Variants in CHD1L observed in about 807,000 individuals in gnomAD.
The protein encoded by CHD1L is ATP-dependent chromatin remodeler CHD1L.
A neutral mutation model predicts 115.9 loss-of-function variants in CHD1L; 118 were observed. The observed-to-expected ratio is 1.02, with a 90% confidence interval of 0.88 to 1.19. The LOEUF is 1.19. Among genes scored for constraint, CHD1L ranks in the 50% most tolerant of loss-of-function variants. The pLI, the probability that CHD1L is intolerant of heterozygous loss-of-function variation, is 0.00. For missense variants in CHD1L, 1,179 were observed against 1,065.3 expected (o/e 1.11, Z -1.49); for synonymous variants, 411 against 387.1 (o/e 1.06, Z -0.72).
At chr1:147,215,491 A>G in the CHD1L span, 2 of 409,644 alleles carry the variant, frequency 4.9e-6, no homozygotes, top group Admixed American at 4.2e-5. Flanking sequence ...GTTTATTGCA[A>G]TCAAATAATG....
chr1:147,263,016 A>G (rs76536568), intron 6 of CHD1L, among the ~76,000 whole-genome samples: 5,467 of 152,222 alleles, frequency 0.036, 161 homozygotes, highest in Non-Finnish European at 0.055. Flanking sequence ...ATATCAAAAT[A>G]TTGTGTATAT....
At chr1:147,205,311 A>C in the CHD1L span, among the ~76,000 whole-genome samples, 1 of 152,190 alleles carries the variant, frequency 6.6e-6, no homozygotes, top group African/African-American at 2.4e-5. Flanking sequence ...TTTATAGTGG[A>C]GAAACTTGAT....
At chr1:147,278,229 T>TG (rs1187355593) in intron 14 of CHD1L, among the ~76,000 whole-genome samples, 1 of 133,510 alleles carries the variant, frequency 7.5e-6, no homozygotes, top group Non-Finnish European at 1.6e-5. Flanking sequence ...TGGGTTTTTT[T>TG]TTTTTTTTTT....
the CHD1L span, chr1:147,213,233 C>G: frequency 1.6e-6 from 2 of 1,247,718 alleles, no homozygotes; most frequent in Admixed American, 4.9e-5. Flanking sequence ...ATTACTCAGA[C>G]CACAATCCTC....
At chr1:147,208,961 TAAGTCGAG>T in the CHD1L span, 1 of 1,613,982 alleles carries the variant, frequency 6.2e-7, no homozygotes, top group South Asian at 1.1e-5. Context: ...ATAAAATGTG[TAAGTCGAG>T]AAGAGAACAA....
rs79965246 is a variant in CHD1L at position 147,255,542 on chromosome 1, C to T, written c.348-271C>T. On this transcript the variant is annotated intron_variant, in intron 3 of 22. Transcript: ENST00000369258. The stretch of plus-strand genomic sequence containing the variant: ...GCGCCCGGCCTATTTTTCATAGTGA[C>T]GTAGGAAGTAACTCATGTGGAAGAG... Among the ~76,000 whole-genome samples the T allele has an allele frequency of 4.7e-3, 708 of 151,968 alleles. 4 individuals are homozygous for T. The highest frequency in any genetic ancestry group is 0.017 in the African/African-American group (688 of 41,402).
the CHD1L span, among the ~76,000 whole-genome samples, chr1:147,232,103 C>T: frequency 1.3e-5 from 2 of 152,172 alleles, no homozygotes; most frequent in African/African-American, 2.4e-5. Flanking sequence ...TAAATGGCAT[C>T]TTTGTAAGAT....
intron 13 of CHD1L, 125 bp downstream of exon 13, chr1:147,275,593 A>C: frequency 4.3e-6 from 3 of 696,408 alleles, no homozygotes; most frequent in Non-Finnish European, 7.5e-6. Context: ...GTTTTAGCTC[A>C]TCTGTGCTAT....
At chr1:147,279,827 T>A (rs1020746645) in intron 14 of CHD1L, among the ~76,000 whole-genome samples, 199 bp from the exon 15 acceptor site, 9 of 152,136 alleles carry the variant, frequency 5.9e-5, no homozygotes, top group African/African-American at 2.2e-4. Flanking sequence ...TGATAATCAT[T>A]TATCACCTCT....
the CHD1L span, among the ~76,000 whole-genome samples, chr1:147,191,952 C>T: frequency 1.6e-4 from 25 of 151,850 alleles, no homozygotes; most frequent in Non-Finnish European, 1.6e-4. Context: ...CGTGATGCCT[C>T]CAGCTTTGTT....
chr1:147,290,219 T>C (rs2102988545), intron 19 of CHD1L, among the ~76,000 whole-genome samples: 1 of 151,462 alleles, frequency 6.6e-6, no homozygotes, highest in Non-Finnish European at 1.5e-5. Flanking sequence ...AGTAGCTTTG[T>C]ACCACAGGCG....
the CHD1L span, among the ~76,000 whole-genome samples, chr1:147,235,738 T>C: frequency 1.3e-5 from 2 of 152,192 alleles, no homozygotes; most frequent in Non-Finnish European, 2.9e-5. Context: ...GTCATAATTT[T>C]ACATTGCCTA....
At position 147,264,437 on chromosome 1, in the gene CHD1L, A is replaced by G. The variant is rs1553946467; in HGVS notation, c.592A>G (p.Ser198Gly). 2.5e-6 allele frequency: 4 copies of G among 1,609,752 alleles called. No individual in the cohort carries two copies. In the South Asian group the frequency reaches 3.3e-5, roughly 13 times the overall value. ...KTLSEFSVVFSLLLTGTPIQN... is the reference protein window; with the variant it reads ...KTLSEFSVVFGLLLTGTPIQN... ...TGTATTTGAGTTCTCAGTAGTCTTC[A>G]GTCTCCTGTTGACCGGAACTCCCAT... is the stretch of plus-strand genomic sequence containing the variant. Residue 198 changes from serine (S) to glycine (G), a missense_variant, in exon 7 of 23, where the codon AGT becomes GGT. Ser to Gly is a moderately conservative substitution (Grantham distance 56, BLOSUM62 0). Coordinates refer to ENST00000369258, the MANE Select transcript of CHD1L (RefSeq NM_004284.6).
At chr1:147,264,677 G>T (rs1673211022) in intron 7 of CHD1L, 93 bp downstream of exon 7, 2 of 1,344,342 alleles carry the variant, frequency 1.5e-6, no homozygotes, top group Non-Finnish European at 2.1e-6. Context: ...AAGGAGAATT[G>T]ATGACCAGAG....
chr1:147,272,342 C>T, intron 12 of CHD1L, 61 bp downstream of exon 12: 1 of 1,151,466 alleles, frequency 8.7e-7, no homozygotes, highest in Non-Finnish European at 1.3e-6. Context: ...ACTATTACAT[C>T]CCAACGGTTA....
At chr1:147,275,771 T>A (rs868921818) in intron 13 of CHD1L, among the ~76,000 whole-genome samples, 1 of 122,350 alleles carries the variant, frequency 8.2e-6, no homozygotes, top group African/African-American at 3.1e-5. Flanking sequence ...TATGGGGCTA[T>A]GGAGCTAAGC....
At chr1:147,293,130 G>T (rs1686210284) in intron 20 of CHD1L, among the ~76,000 whole-genome samples, 1 of 142,326 alleles carries the variant, frequency 7.0e-6, no homozygotes, top group Non-Finnish European at 1.6e-5. Context: ...ACACTCTCCA[G>T]CTCGCCCACT....
At chr1:147,219,386 T>C in the CHD1L span, among the ~76,000 whole-genome samples, 9 of 152,020 alleles carry the variant, frequency 5.9e-5, no homozygotes, top group Non-Finnish European at 1.3e-4. Context: ...GCAGTAGGAT[T>C]GCTTTCTTTT....
chr1:147,286,565 G>T (rs1475021559), intron 18 of CHD1L, 65 bp downstream of exon 18: 2 of 1,478,806 alleles, frequency 1.4e-6, no homozygotes, highest in Non-Finnish European at 1.9e-6. Context: ...AACTGGGGAG[G>T]ATGGGGCACT....
Sources: gnomAD v4.1 joint callset for allele counts (sites outside exome capture counted in the v4.1 genomes callset) on GRCh38, gnomAD v4.1.1 for gene constraint, MANE v1.5 for transcripts, NCBI Gene and HGNC (gene_info 2026-07-23, HGNC 2026-07-21) for gene names.